The following STRIP1 variants were observed in gnomAD, a reference collection of about 807,000 sequenced individuals.
STRIP1 encodes striatin-interacting protein 1.
STRIP1 carries 63 observed loss-of-function variants against 106.2 expected under a neutral mutation model. The observed-to-expected ratio is 0.59, with a 90% CI of 0.48 to 0.73. The LOEUF (loss-of-function observed/expected upper bound fraction) is 0.73, where lower values mean the gene tolerates loss of function less well. STRIP1 is among the 30% of genes least tolerant of loss of function. The pLI is 0.00. For missense variants in STRIP1, 857 were observed against 1,074.8 expected, an observed-to-expected ratio of 0.80 and a Z score of 2.83; for synonymous variants, 390 against 413.0, an observed-to-expected ratio of 0.94 and a Z score of 0.67.
intron 12 of STRIP1, among the ~76,000 whole-genome samples, chr1:110,045,859 G>A (rs1017883821): frequency 3.3e-5 from 5 of 152,176 alleles, no homozygotes; most frequent in South Asian, 4.1e-4. Context: ...CATACTCTCC[G>A]ATCAGAGAAG....
chr1:110,048,217 T>C, intron 15 of STRIP1: 1 of 276,556 alleles, frequency 3.6e-6, no homozygotes. Context: ...GAGGGTTAGT[T>C]TGTAGACAGC....
At chr1:110,034,208 G>T (rs1652321314), upstream of STRIP1, among the ~76,000 whole-genome samples, 1 of 152,188 alleles carries the variant, frequency 6.6e-6, no homozygotes. Flanking sequence ...GTGCACAGGA[G>T]ACATTTATTA....
At chr1:110,049,833 TA>T (rs1653207312) in intron 17 of STRIP1, 1 of 380,872 alleles carries the variant, frequency 2.6e-6, no homozygotes, top group Non-Finnish European at 4.7e-6. Flanking sequence ...GTCCCTTCTG[TA>T]CTTTTTTTTT....
intron 17 of STRIP1, chr1:110,050,020 G>C: frequency 2.6e-6 from 1 of 391,198 alleles, no homozygotes; most frequent in Non-Finnish European, 4.7e-6. Flanking sequence ...CCTGTCTCCA[G>C]AAAGGTTTGG....
Position 110,034,657 on chromosome 1 carries a change from G to T in STRIP1, c.20G>T (p.Gly7Val). Residue 7 changes from glycine (G) to valine (V), a missense_variant, in exon 1 of 21, where the codon GGT (glycine) becomes GTT (valine). Gly to Val is a moderately radical substitution (Grantham distance 109). Coordinates refer to ENST00000369795, the MANE Select transcript of STRIP1 (RefSeq NM_033088.4). MEPAVG[G>V]PGPLIVNNKQ... The stretch of plus-strand genomic sequence containing the variant: ...GCCAAGATGGAGCCGGCAGTCGGCG[G>T]TCCGGGCCCACTGATCGTGAACAAC... 1 of 1,522,338 alleles carries T rather than the reference G, an allele frequency of 6.6e-7. No individual in the cohort carries two copies. Among genetic ancestry groups the T allele is most frequent in the Middle Eastern group, 1.8e-4 (1 of 5,552 alleles). The allele number at this position is 1,522,338 out of a possible 1,614,324, so 94.3% of individuals were successfully genotyped here. A position where few individuals can be genotyped will look rare whatever the true frequency, so the allele number is the denominator to read the frequency against.
At position 110,034,657 on chromosome 1, in the gene STRIP1, G is replaced by C. The variant is rs1314187933; in HGVS notation, c.20G>C (p.Gly7Ala). 1 of 1,522,338 alleles carries C rather than the reference G, an allele frequency of 6.6e-7. No homozygotes were observed. The highest frequency in any genetic ancestry group is 2.1e-5 in the Admixed American group (1 of 47,278). The allele number at this position is 1,522,338 out of a possible 1,614,324, so 94.3% of individuals were successfully genotyped here. A position where few individuals can be genotyped will look rare whatever the true frequency, so the allele number is the denominator to read the frequency against. Residue 7 changes from glycine (G) to alanine (A), a missense_variant, in exon 1 of 21, where the codon GGT (glycine) becomes GCT (alanine). By Grantham distance (60) the Gly-to-Ala change is moderately conservative (BLOSUM62 0). Around this residue, in one of 2 missense-constraint regions of STRIP1, gnomAD observed 107 missense variants for 85.1 expected, o/e 1.26. Transcript: ENST00000369795. ...GCCAAGATGGAGCCGGCAGTCGGCG[G>C]TCCGGGCCCACTGATCGTGAACAAC... MEPAVG[G>A]PGPLIVNNKQ...
intron 10 of STRIP1, 60 bp from the exon 11 acceptor site, chr1:110,044,780 C>G: frequency 6.5e-7 from 1 of 1,543,366 alleles, no homozygotes; most frequent in Non-Finnish European, 8.9e-7. Flanking sequence ...AACTGTAACA[C>G]TTTGAAATAG....
intron 2 of STRIP1, among the ~76,000 whole-genome samples, 200 bp from the exon 3 acceptor site, chr1:110,038,483 A>C (rs1652603591): frequency 6.6e-6 from 1 of 152,184 alleles, no homozygotes; most frequent in East Asian, 1.9e-4. Flanking sequence ...TCCAGATGGC[A>C]TTCTGGCACT....
In STRIP1 at chr1:110,053,690, C is replaced by T. The variant is rs1287816742; in HGVS notation, c.2292C>T (p.Phe764=). 1 of 1,614,126 alleles carries T rather than the reference C, an allele frequency of 6.2e-7. No individual in the cohort carries two copies. The highest frequency in any genetic ancestry group is 1.1e-5 in the South Asian group (1 of 91,084). Residue 764 remains phenylalanine (F), a synonymous_variant, in exon 21 of 21, where the codon TTC becomes TTT. Transcript: ENST00000369795. ...ATCTTGATGCCCGGCCTTGGGACTTCCAGGCAGAGGAGTGTGCCCTTCGTG... is the reference window on the plus strand; with the variant it reads ...ATCTTGATGCCCGGCCTTGGGACTTTCAGGCAGAGGAGTGTGCCCTTCGTG... ...GNDLDARPWD[F]QAEECALRAN...
intron 10 of STRIP1, 26 bp from the exon 11 acceptor site, chr1:110,044,812 CTT>C (rs1557792340): frequency 6.2e-7 from 1 of 1,610,188 alleles, no homozygotes; most frequent in Non-Finnish European, 8.5e-7. Flanking sequence ...AACCTTTTTT[CTT>C]TCTCTCTTTT....
chr1:110,033,745 G>A (rs1400786364), upstream of STRIP1, among the ~76,000 whole-genome samples: 3 of 152,218 alleles, frequency 2.0e-5, no homozygotes. Context: ...AGTTTCCAAC[G>A]TATGGAATTT....
intron 17 of STRIP1, 59 bp downstream of exon 17, chr1:110,049,619 T>C: frequency 8.0e-7 from 1 of 1,248,498 alleles, no homozygotes; most frequent in Non-Finnish European, 1.2e-6. Context: ...AGTTCCCAGC[T>C]GGTATTTCCC....
At position 110,039,179 on chromosome 1, in the gene STRIP1, CAAG is replaced by C. The variant is rs777435552; in HGVS notation, c.337_339del (p.Lys113del). The C allele has an allele frequency of 6.2e-7, 1 of 1,614,112 alleles. No homozygotes were observed. The highest frequency in any genetic ancestry group is 2.2e-5 in the East Asian group (1 of 44,886). On this transcript the variant is annotated inframe_deletion, in exon 4 of 21. Transcript: ENST00000369795. The stretch of plus-strand genomic sequence containing the variant: ...TGGTTTCTTGCCCTGCAGTGACAGA[CAAG>C]AAGTGGACTGAGCTGGATACCAACC...
At chr1:110,049,924 T>G (rs1278388144) in intron 17 of STRIP1, 2 of 323,334 alleles carry the variant, frequency 6.2e-6, no homozygotes, top group Non-Finnish European at 1.1e-5. Flanking sequence ...ATCTGCTGAC[T>G]CTTAGCCCCT....
chr1:110,041,140 A>G (rs1223847104), intron 6 of STRIP1: 1 of 193,544 alleles, frequency 5.2e-6, no homozygotes, highest in Non-Finnish European at 1.1e-5. Flanking sequence ...CTGACCACCA[A>G]GATCACCCCT....
intron 12 of STRIP1, 23 bp from the exon 13 acceptor site, chr1:110,046,654 CCTT>C: frequency 2.5e-6 from 4 of 1,609,688 alleles, no homozygotes; most frequent in East Asian, 4.5e-5. Context: ...TTTCCCCAGC[CCTT>C]CTTTTCCCAT....
In STRIP1 at chr1:110,035,482, C is replaced by T. The variant is rs1302037638; in HGVS notation, c.180+665C>T. The stretch of plus-strand genomic sequence containing the variant: ...ATGAGAAATAGACATTTTAAGCATG[C>T]GTTAGGACCCAACATTCCTTCCTGT... On this transcript the variant is annotated intron_variant, in intron 1 of 20. Transcript: ENST00000369795. Among the ~76,000 whole-genome samples, 7 of 152,154 alleles carry T rather than the reference C, an allele frequency of 4.6e-5. No individual in the cohort carries two copies. In the East Asian group the frequency reaches 1.3e-3, roughly 29 times the overall value.
Position 110,043,218 on chromosome 1 carries a change from C to T in STRIP1, c.1016C>T (p.Ser339Phe). ...RNMRAASPPA[S>F]ASDLIEQQQK... is the part of the protein sequence containing the mutation. ...ATGAGAGCAGCCTCTCCACCAGCAT[C>T]TGCTTCAGACTTGATTGAGCAGCAG... Residue 339 changes from serine to phenylalanine, a missense_variant, in exon 9 of 21, where the codon TCT becomes TTT. Ser to Phe is a radical substitution (Grantham distance 155). This residue lies in a region of STRIP1 where 750 missense variants were observed against 989.8 expected (regional missense o/e 0.76). Coordinates refer to ENST00000369795, the MANE Select transcript of STRIP1 (RefSeq NM_033088.4). The T allele has an allele frequency of 6.2e-7, 1 of 1,613,828 alleles. No homozygotes were observed. Among genetic ancestry groups the T allele is most frequent in the East Asian group, 2.2e-5 (1 of 44,882 alleles).
At chr1:110,049,722 C>T (rs1653203297) in intron 17 of STRIP1, 162 bp downstream of exon 17, 2 of 595,230 alleles carry the variant, frequency 3.4e-6, no homozygotes, top group East Asian at 2.9e-5. Flanking sequence ...CTGTGGAGAG[C>T]CCACTGTGTC....
Sources: gnomAD v4.1 joint callset for allele counts (sites outside exome capture counted in the v4.1 genomes callset) on GRCh38, gnomAD v4.1.1 for gene constraint, gnomAD v4.1.1 regional missense constraint, MANE v1.5 for transcripts, NCBI Gene and HGNC (gene_info 2026-07-23, HGNC 2026-07-21) for gene names.